The following ANK2 variants were observed in gnomAD, a reference collection of about 807,000 sequenced individuals.
ANK2 encodes ankyrin-2.
ANK2 carries 83 observed loss-of-function variants against 360.5 expected under a neutral mutation model. The ratio of observed to expected loss-of-function variants is 0.23; its 90% CI spans 0.19 to 0.28. The LOEUF (loss-of-function observed/expected upper bound fraction) is 0.28. ANK2 is among the 10% of genes least tolerant of loss of function. The pLI is 1.00. For synonymous variants in ANK2, 1,740 were observed against 1,759.5 expected (o/e 0.99, Z 0.28); for missense variants, 4,201 against 4,795.7 (o/e 0.88, Z 3.66).
intron 1 of ANK2, among the ~76,000 whole-genome samples, chr4:112,871,528 C>T (rs943358490): frequency 6.6e-6 from 1 of 152,140 alleles, no homozygotes; most frequent in East Asian, 1.9e-4. Context: ...AGAGTTTTCT[C>T]TGTAAAAAAT....
At chr4:113,048,162 TTGTC>T (rs1277209694), upstream of ANK2, among the ~76,000 whole-genome samples, 6 of 149,372 alleles carry the variant, frequency 4.0e-5, no homozygotes, top group Admixed American at 3.3e-4. Flanking sequence ...TTTACGTTCA[TTGTC>T]TGGGAATAAG....
chr4:113,238,010 TG>T (rs2099396888), intron 7 of ANK2, among the ~76,000 whole-genome samples: 1 of 152,226 alleles, frequency 6.6e-6, no homozygotes, highest in Non-Finnish European at 1.5e-5. Context: ...CACTGAGTTT[TG>T]TCTTTTTATC....
chr4:112,860,226 T>A (rs1160324408), intron 1 of ANK2, among the ~76,000 whole-genome samples: 1 of 152,094 alleles, frequency 6.6e-6, no homozygotes, highest in Non-Finnish European at 1.5e-5. Flanking sequence ...TTAAAAAAAA[T>A]TCTTTTTTTT....
At chr4:112,782,162 A>G in the ANK2 span, among the ~76,000 whole-genome samples, 1 of 152,112 alleles carries the variant, frequency 6.6e-6, no homozygotes, top group Non-Finnish European at 1.5e-5. Context: ...ATATTTTAAG[A>G]TATATATTGA....
At position 113,354,441 on chromosome 4, in the gene ANK2, C is replaced by G; in HGVS notation, c.5823C>G (p.Pro1941=). The G allele has an allele frequency of 1.2e-6, 2 of 1,614,070 alleles. No individual in the cohort carries two copies. The highest frequency in any genetic ancestry group is 1.7e-6 in the Non-Finnish European group (2 of 1,179,990). Residue 1941 remains proline (P), a synonymous_variant, in exon 38 of 46, where the codon CCC becomes CCG. Coordinates refer to ENST00000357077, the MANE Select transcript of ANK2 (RefSeq NM_001148.6). ...GRTEKRLPVS[P]SGRTDKHQPV... is the part of the protein sequence containing the mutation. ...CAGAAAAACGCTTGCCTGTTTCACC[C>G]TCCGGAAGAACGGACAAGCACCAAC...
At chr4:113,360,040 G>C (rs934866080) in intron 38 of ANK2, among the ~76,000 whole-genome samples, 19 of 152,128 alleles carry the variant, frequency 1.2e-4, no homozygotes, top group African/African-American at 3.9e-4. Context: ...AAAGTAGCCT[G>C]TGTTCTTCCA....
intron 1 of ANK2, among the ~76,000 whole-genome samples, chr4:113,138,702 C>T (rs2096534395): frequency 6.6e-6 from 1 of 152,134 alleles, no homozygotes; most frequent in Non-Finnish European, 1.5e-5. Flanking sequence ...TTACACAGAA[C>T]TGAGCTCTGT....
intron 1 of ANK2, among the ~76,000 whole-genome samples, chr4:112,861,618 A>G (rs2068040306): frequency 6.6e-6 from 1 of 152,206 alleles, no homozygotes. Context: ...GAGCTTATAT[A>G]TAAAATAGGG....
At chr4:113,132,834 A>G (rs1171601574) in intron 1 of ANK2, among the ~76,000 whole-genome samples, 4 of 152,182 alleles carry the variant, frequency 2.6e-5, no homozygotes, top group Non-Finnish European at 5.9e-5. Flanking sequence ...AAAGGGGCTG[A>G]TCATTTGTTC....
chr4:112,921,234 A>C (rs535362996), intron 2 of ANK2, among the ~76,000 whole-genome samples: 1 of 151,812 alleles, frequency 6.6e-6, no homozygotes, highest in Non-Finnish European at 1.5e-5. Context: ...CATGTTACCC[A>C]GGCTGGTCTT....
chr4:112,956,673 C>A (rs899180530), intron 2 of ANK2, among the ~76,000 whole-genome samples: 8 of 152,210 alleles, frequency 5.3e-5, no homozygotes, highest in Non-Finnish European at 7.3e-5. Flanking sequence ...TTATTTATTT[C>A]TTTCCACTTA....
At chr4:112,922,475 C>T (rs1285348376) in intron 2 of ANK2, among the ~76,000 whole-genome samples, 2 of 152,122 alleles carry the variant, frequency 1.3e-5, no homozygotes, top group Admixed American at 6.5e-5. Context: ...AAACTTTTAC[C>T]TTCAGCAATG....
the ANK2 span, among the ~76,000 whole-genome samples, chr4:112,712,609 G>A: frequency 6.6e-5 from 10 of 150,718 alleles, no homozygotes; most frequent in African/African-American, 1.7e-4. Flanking sequence ...GGGTTTCACC[G>A]TGTTAGCCAG....
intron 4 of ANK2, among the ~76,000 whole-genome samples, chr4:113,231,040 A>C (rs1339544063): frequency 6.7e-6 from 1 of 148,786 alleles, no homozygotes; most frequent in Admixed American, 6.7e-5. Flanking sequence ...AGACTTTTAC[A>C]TTTTCTTTTT....
intron 2 of ANK2, among the ~76,000 whole-genome samples, chr4:113,015,379 T>G (rs1284462316): frequency 6.6e-6 from 1 of 152,178 alleles, no homozygotes; most frequent in African/African-American, 2.4e-5. Context: ...AATTTTTAAA[T>G]AGTGTGATTA....
chr4:113,148,278 G>A (rs1394222640), intron 1 of ANK2, among the ~76,000 whole-genome samples: 1 of 152,064 alleles, frequency 6.6e-6, no homozygotes, highest in African/African-American at 2.4e-5. Flanking sequence ...TTCTTGCATT[G>A]AGATCATGTA....
chr4:112,957,544 G>A (rs1052084144), intron 2 of ANK2, among the ~76,000 whole-genome samples: 118 of 152,240 alleles, frequency 7.8e-4, no homozygotes, highest in Non-Finnish European at 1.2e-3. Context: ...CCTCCCAGAC[G>A]GGGTGGTGGC....
In ANK2 at chr4:113,354,194, C is replaced by T; in HGVS notation, c.5576C>T (p.Pro1859Leu). ...SKTEKHSPVS[P>L]SAKTERHSPA... Reference sequence around the variant, plus strand: ...ACTGAGAAACACTCACCTGTGTCACCCTCTGCAAAAACGGAAAGACATTCA... The same window carrying T: ...ACTGAGAAACACTCACCTGTGTCACTCTCTGCAAAAACGGAAAGACATTCA... The change falls in exon 38 of 46, where the codon CCC becomes CTC. Residue 1859 changes from proline to leucine, a missense_variant. Coordinates refer to ENST00000357077, the MANE Select transcript of ANK2 (RefSeq NM_001148.6). 6.2e-7 allele frequency: 1 copy of T among 1,614,026 alleles called. No homozygotes were observed. The highest frequency in any genetic ancestry group is 2.2e-5 in the East Asian group (1 of 44,880).
the ANK2 span, chr4:112,797,639 A>T: frequency 6.1e-6 from 1 of 164,522 alleles, no homozygotes; most frequent in Middle Eastern, 5.6e-4. Flanking sequence ...AATATCATCA[A>T]TATCACAGCC....
Sources: gnomAD v4.1 joint callset for allele counts (sites outside exome capture counted in the v4.1 genomes callset) on GRCh38, gnomAD v4.1.1 for gene constraint, MANE v1.5 for transcripts, NCBI Gene and HGNC (gene_info 2026-07-23, HGNC 2026-07-21) for gene names.